The following LAMA3 variants were observed in gnomAD, a reference collection of about 807,000 sequenced individuals.
LAMA3 encodes the protein laminin subunit alpha-3.
LAMA3 carries 281 observed loss-of-function variants against 402.0 expected under a neutral mutation model. The observed-to-expected ratio is 0.70, with a 90% CI of 0.63 to 0.77. The LOEUF is 0.77. Ranked by LOEUF, LAMA3 falls within the 30% of genes least tolerant of loss-of-function variation. The pLI is 0.00. For missense variants in LAMA3, 3,840 were observed against 4,215.5 expected (o/e 0.91, Z 2.47); for synonymous variants, 1,431 against 1,558.4 (o/e 0.92, Z 1.93).
intron 2 of LAMA3, among the ~76,000 whole-genome samples, chr18:23,721,190 G>A (rs1420391021): frequency 1.3e-5 from 2 of 151,780 alleles, no homozygotes; most frequent in African/African-American, 2.4e-5. Flanking sequence ...CTCTTTCTCT[G>A]TATATATGTA....
At chr18:23,803,385 C>G (rs1271825580) in intron 12 of LAMA3, among the ~76,000 whole-genome samples, 1 of 152,124 alleles carries the variant, frequency 6.6e-6, no homozygotes, top group East Asian at 1.9e-4. Flanking sequence ...CATCCCTGCC[C>G]CCATGGCTAC....
intron 52 of LAMA3, among the ~76,000 whole-genome samples, chr18:23,906,943 T>C (rs145741027): frequency 6.6e-6 from 1 of 152,334 alleles, no homozygotes; most frequent in African/African-American, 2.4e-5. Context: ...ATGGCAATAT[T>C]ATCAGCTAGG....
intron 32 of LAMA3, among the ~76,000 whole-genome samples, chr18:23,854,663 A>T (rs1251960582): frequency 1.3e-5 from 2 of 149,240 alleles, no homozygotes; most frequent in Admixed American, 6.7e-5. Context: ...AAATAAAAAT[A>T]AATAAAAAAA....
intron 44 of LAMA3, among the ~76,000 whole-genome samples, chr18:23,897,140 T>G (rs1396751662): frequency 6.6e-6 from 1 of 152,086 alleles, no homozygotes; most frequent in Non-Finnish European, 1.5e-5. Context: ...AAGACCCAAT[T>G]GAAAATCATG....
At chr18:23,831,034 G>C (rs773421056) in intron 23 of LAMA3, among the ~76,000 whole-genome samples, 4 of 151,950 alleles carry the variant, frequency 2.6e-5, no homozygotes, top group African/African-American at 9.7e-5. Context: ...ATTCTTTCCC[G>C]CACCCAAACT....
chr18:23,861,983 C>A (rs1598944521), intron 35 of LAMA3, among the ~76,000 whole-genome samples, 176 bp downstream of exon 35: 1 of 152,342 alleles, frequency 6.6e-6, no homozygotes, highest in South Asian at 2.1e-4. Flanking sequence ...AGGGGCTGAG[C>A]AGGCACACAC....
At chr18:23,710,615 C>G (rs1318243870) in intron 1 of LAMA3, among the ~76,000 whole-genome samples, 3 of 151,874 alleles carry the variant, frequency 2.0e-5, no homozygotes, top group Non-Finnish European at 4.4e-5. Flanking sequence ...CTTTAGGGCA[C>G]TACTAAATTC....
intron 10 of LAMA3, 55 bp downstream of exon 10, chr18:23,775,978 T>C (rs2062309463): frequency 1.2e-6 from 2 of 1,600,430 alleles, no homozygotes; most frequent in East Asian, 4.5e-5. Flanking sequence ...AGCTGGCTTT[T>C]GTGCACTAAC....
At chr18:23,697,020 A>G (rs1229266368) in intron 1 of LAMA3, among the ~76,000 whole-genome samples, 1 of 152,218 alleles carries the variant, frequency 6.6e-6, no homozygotes, top group East Asian at 1.9e-4. Context: ...CTGACTAAAT[A>G]TGAGGAAGAG....
chr18:23,779,035 C>T (rs1439513623), intron 11 of LAMA3, among the ~76,000 whole-genome samples: 1 of 152,136 alleles, frequency 6.6e-6, no homozygotes, highest in Non-Finnish European at 1.5e-5. Context: ...GTCCCTGGGG[C>T]AGGGGCAGCC....
At chr18:23,914,582 A>T (rs774843163) in intron 57 of LAMA3, 21 bp downstream of exon 57, 4 of 1,613,466 alleles carry the variant, frequency 2.5e-6, no homozygotes, top group Non-Finnish European at 3.4e-6. Flanking sequence ...GATTGACTGT[A>T]CCTGTGCTCA....
In LAMA3 at chr18:23,763,518, T is replaced by G. The variant is rs983482870; in HGVS notation, c.1177T>G (p.Cys393Gly). 1.0e-5 allele frequency: 16 copies of G among 1,578,898 alleles called. No homozygotes were observed. The highest frequency in any genetic ancestry group is 1.4e-5 in the Non-Finnish European group (16 of 1,147,860). Residue 393 changes from cysteine (C) to glycine (G), a missense_variant, in exon 8 of 75, where the codon TGT becomes GGT. By Grantham distance (159) the Cys-to-Gly change is radical. Transcript: ENST00000313654. ...IYAGGGVCIN[C>G]QHNTAGVNCE... is the part of the protein sequence containing the mutation. ...TGCTGGTGGAGGGGTCTGCATTAAC[T>G]GTCAGGTGAGGCACTATTTAAATCA...
intron 1 of LAMA3, among the ~76,000 whole-genome samples, chr18:23,704,180 C>T (rs560249402): frequency 1.3e-5 from 2 of 152,314 alleles, no homozygotes; most frequent in East Asian, 3.9e-4. Context: ...GCCACAAGGG[C>T]GTGCATCTGA....
intron 1 of LAMA3, among the ~76,000 whole-genome samples, chr18:23,707,021 T>C (rs928406417): frequency 1.3e-5 from 2 of 152,214 alleles, no homozygotes; most frequent in Non-Finnish European, 2.9e-5. Context: ...GAGGTTGCAG[T>C]GAGCCAAGAT....
At chr18:23,945,533 G>A (rs773709655) in intron 69 of LAMA3, among the ~76,000 whole-genome samples, 2 of 152,310 alleles carry the variant, frequency 1.3e-5, no homozygotes, top group South Asian at 4.1e-4. Flanking sequence ...TGAGTGGCCT[G>A]TCAGACCTTC....
Position 23,766,074 on chromosome 18 carries a change from A to C in LAMA3, c.1182+2551A>C, listed in dbSNP as rs187090315. On this transcript the variant is annotated intron_variant, in intron 8 of 74. Coordinates refer to ENST00000313654, the MANE Select transcript of LAMA3 (RefSeq NM_198129.4). ...AAGAAATAATAGTAGGAAATACCTC[A>C]AATTTTGCAATAGGCTAAGATTCAA... Among the ~76,000 whole-genome samples the C allele has an allele frequency of 9.2e-5, 14 of 152,326 alleles. No homozygotes were observed. The East Asian group carries it at 2.7e-3, about 29-fold the overall frequency.
At position 23,717,542 on chromosome 18, in the gene LAMA3, C is replaced by CTT. The variant is rs138974380; in HGVS notation, c.447+3497_447+3498dup. Among the ~76,000 whole-genome samples, 93 of 64,912 alleles carry CTT rather than the reference C, an allele frequency of 1.4e-3. 9 individuals carry two copies. The highest frequency in any genetic ancestry group is 5.8e-3 in the South Asian group (8 of 1,388). The allele number at this position is 64,912 out of a possible 152,430, so 42.6% of individuals were successfully genotyped here. A position where few individuals can be genotyped will look rare whatever the true frequency, so the allele number is the denominator to read the frequency against. ...AAAAACATTACCTTCTGGACTTGATCTTTTTTTTTTTTTTTTTTTTTTTTT... is the reference window on the plus strand; with the variant it reads ...AAAAACATTACCTTCTGGACTTGATCTTTTTTTTTTTTTTTTTTTTTTTTTTT... On this transcript the variant is annotated intron_variant, in intron 2 of 74. Transcript: ENST00000313654.
chr18:23,767,862 C>G (rs759354730), intron 8 of LAMA3, among the ~76,000 whole-genome samples: 8 of 151,984 alleles, frequency 5.3e-5, no homozygotes, highest in Non-Finnish European at 1.2e-4. Flanking sequence ...TGTCAGCCAC[C>G]GTGCCTGGCA....
intron 6 of LAMA3, among the ~76,000 whole-genome samples, chr18:23,757,339 C>A (rs1359939642): frequency 6.6e-6 from 1 of 152,028 alleles, no homozygotes; most frequent in Non-Finnish European, 1.5e-5. Flanking sequence ...GATCCAGCAG[C>A]TCTTCCCACT....
Sources: gnomAD v4.1 joint callset for allele counts (sites outside exome capture counted in the v4.1 genomes callset) on GRCh38, gnomAD v4.1.1 for gene constraint, MANE v1.5 for transcripts, NCBI Gene and HGNC (gene_info 2026-07-23, HGNC 2026-07-21) for gene names.